MON2: variants seen among roughly 807,000 people sequenced by gnomAD.
MON2 encodes protein MON2 homolog.
MON2 carries 84 observed loss-of-function variants against 208.6 expected under a neutral mutation model. That is an observed-to-expected ratio of 0.40 (90% CI 0.34 to 0.48). The LOEUF is 0.48. Ranked by LOEUF, MON2 falls within the 20% of genes least tolerant of loss-of-function variation. The pLI is 0.59. For synonymous variants in MON2, 660 were observed against 694.0 expected (o/e 0.95, Z 0.77); for missense variants, 1,611 against 2,015.4 (o/e 0.80, Z 3.84).
At chr12:62,569,990 A>T (rs903110780) in intron 29 of MON2, among the ~76,000 whole-genome samples, 3 of 152,216 alleles carry the variant, frequency 2.0e-5, no homozygotes, top group Non-Finnish European at 2.9e-5. Context: ...TTTACGTAAC[A>T]GCAGAATTTT....
At position 62,519,428 on chromosome 12, in the gene MON2, C is replaced by T. The variant is rs531319400; in HGVS notation, c.985-5087C>T. 4.6e-5 allele frequency among the ~76,000 whole-genome samples: 7 copies of T among 152,018 alleles called. No individual in the cohort carries two copies. In the South Asian group the frequency reaches 1.5e-3, roughly 32 times the overall value. On this transcript the variant is annotated intron_variant, in intron 8 of 34. Transcript: ENST00000393630. ...TTGAATGCCCTATGAAAACAGTGACCCCTTTATATTCTTAAAAAATATTTA... is the reference window on the plus strand; with the variant it reads ...TTGAATGCCCTATGAAAACAGTGACTCCTTTATATTCTTAAAAAATATTTA...
intron 24 of MON2, among the ~76,000 whole-genome samples, chr12:62,554,598 G>A (rs530142858): frequency 5.9e-5 from 9 of 152,174 alleles, no homozygotes; most frequent in Admixed American, 3.3e-4. Flanking sequence ...AGGCTCAAGC[G>A]ATCCTCCCAC....
intron 8 of MON2, among the ~76,000 whole-genome samples, chr12:62,522,269 G>A (rs1006701831): frequency 6.6e-6 from 1 of 152,032 alleles, no homozygotes; most frequent in Non-Finnish European, 1.5e-5. Flanking sequence ...AGGCTAAATT[G>A]CCTTGTCCAA....
At chr12:62,587,213 G>C (rs2075247087) in intron 33 of MON2, among the ~76,000 whole-genome samples, 1 of 152,052 alleles carries the variant, frequency 6.6e-6, no homozygotes, top group African/African-American at 2.4e-5. Context: ...TGCTACCTTA[G>C]GATTGATTTC....
At chr12:62,550,061 T>G (rs1416731340) in intron 23 of MON2, among the ~76,000 whole-genome samples, 3 of 152,204 alleles carry the variant, frequency 2.0e-5, no homozygotes, top group African/African-American at 7.2e-5. Context: ...ACAGGGTTTG[T>G]CATGAAAGGG....
Position 62,526,032 on chromosome 12 carries a change from G to T in MON2, c.1330G>T (p.Ala444Ser). 1 of 1,613,846 alleles carries T rather than the reference G, an allele frequency of 6.2e-7. No individual in the cohort carries two copies. The highest frequency in any genetic ancestry group is 2.2e-5 in the East Asian group (1 of 44,848). Residue 444 changes from alanine to serine, a missense_variant, in exon 11 of 35, where the codon GCA becomes TCA. Coordinates refer to ENST00000393630, the MANE Select transcript of MON2 (RefSeq NM_015026.3). ...GIGGGVTLLPAFEYRGTWIPI... is the reference protein window; with the variant it reads ...GIGGGVTLLPSFEYRGTWIPI... ...TGGTGGAGGTGTTACTTTGCTACCA[G>T]CATTTGAATATAGGGGAACCTGGAT... is the stretch of plus-strand genomic sequence containing the variant.
intron 11 of MON2, among the ~76,000 whole-genome samples, chr12:62,529,098 C>T (rs1281417486): frequency 1.3e-5 from 2 of 152,088 alleles, no homozygotes; most frequent in African/African-American, 2.4e-5. Context: ...TAAGTGAGAA[C>T]GTGCAGTATT....
chr12:62,498,773 A>G (rs2070679235), intron 4 of MON2, 146 bp from the exon 5 acceptor site: 1 of 807,930 alleles, frequency 1.2e-6, no homozygotes, highest in South Asian at 2.5e-5. Flanking sequence ...CTTGGATTAC[A>G]TCAAAATCTG....
chr12:62,586,484 C>T (rs1350125778), intron 33 of MON2, among the ~76,000 whole-genome samples: 1 of 152,126 alleles, frequency 6.6e-6, no homozygotes, highest in Non-Finnish European at 1.5e-5. Flanking sequence ...AATTATTTGC[C>T]AGTTTATCAT....
Position 62,560,729 on chromosome 12 carries a change from A to G in MON2, c.3648A>G (p.Gly1216=). 6.2e-6 allele frequency: 10 copies of G among 1,614,164 alleles called. No individual in the cohort carries two copies. Among genetic ancestry groups the G allele is most frequent in the Non-Finnish European group, 8.5e-6 (10 of 1,180,014 alleles). ...CATTTGTAAGAACAGATTCCATTGG[A>G]GAAAAACTAGGAAGATATAGTAGCT... ...SRPFVRTDSI[G]EKLGRYSSSE... is the part of the protein sequence containing the mutation. The change falls in exon 26 of 35, where the codon GGA becomes GGG. Residue 1216 remains glycine (G), a synonymous_variant. Coordinates refer to ENST00000393630, the MANE Select transcript of MON2 (RefSeq NM_015026.3).
intron 2 of MON2, among the ~76,000 whole-genome samples, chr12:62,487,601 T>A (rs934842019): frequency 6.6e-6 from 1 of 151,932 alleles, no homozygotes; most frequent in African/African-American, 2.4e-5. Context: ...TAAGTAGCAA[T>A]GAGTAAATAT....
chr12:62,483,248 A>G (rs2069554663), intron 1 of MON2, among the ~76,000 whole-genome samples: 1 of 152,162 alleles, frequency 6.6e-6, no homozygotes, highest in Non-Finnish European at 1.5e-5. Context: ...CAAGTGCTTA[A>G]TAGCCACATG....
At chr12:62,497,138 C>T (rs891146139) in intron 4 of MON2, among the ~76,000 whole-genome samples, 2 of 132,170 alleles carry the variant, frequency 1.5e-5, no homozygotes, top group Non-Finnish European at 3.2e-5. Flanking sequence ...AGGGGAACAT[C>T]ACACTCTGGG....
At chr12:62,552,828 G>A in intron 23 of MON2, 53 bp from the exon 24 acceptor site, 1 of 1,373,654 alleles carries the variant, frequency 7.3e-7, no homozygotes, top group South Asian at 1.3e-5. Flanking sequence ...GCATATTTAT[G>A]TGTTTAAAAC....
chr12:62,589,519 CT>C (rs2075325502), intron 34 of MON2, among the ~76,000 whole-genome samples: 1 of 152,052 alleles, frequency 6.6e-6, no homozygotes, highest in African/African-American at 2.4e-5. Flanking sequence ...GTACACTTGT[CT>C]TTATTCAACC....
rs965420713 is a variant in MON2, at chr12:62,546,428, G to C, written c.2578-469G>C. On this transcript the variant is annotated intron_variant, in intron 21 of 34. Coordinates refer to ENST00000393630, the MANE Select transcript of MON2 (RefSeq NM_015026.3). Reference sequence around the variant, plus strand: ...TATAGATTTGTCTTTAATAATTACTGTTAGATAAATGATATTTGATGTTTA... The same window carrying C: ...TATAGATTTGTCTTTAATAATTACTCTTAGATAAATGATATTTGATGTTTA... 7.2e-5 allele frequency among the ~76,000 whole-genome samples: 11 copies of C among 152,042 alleles called. No individual in the cohort carries two copies. In the South Asian group the frequency reaches 1.2e-3, roughly 17 times the overall value.
At chr12:62,493,698 A>G (rs117057040) in intron 2 of MON2, among the ~76,000 whole-genome samples, 1 of 152,172 alleles carries the variant, frequency 6.6e-6, no homozygotes, top group Non-Finnish European at 1.5e-5. Context: ...GGAGAAAAGC[A>G]TGGGAAAGCA....
intron 14 of MON2, among the ~76,000 whole-genome samples, chr12:62,536,769 A>C (rs937542131): frequency 6.6e-6 from 1 of 151,740 alleles, no homozygotes; most frequent in Non-Finnish European, 1.5e-5. Context: ...GCTCACTGCA[A>C]CCACCGCCTC....
intron 19 of MON2, among the ~76,000 whole-genome samples, chr12:62,539,090 A>G (rs2133304): frequency 0.87 from 132,118 of 152,172 alleles, 57,606 homozygotes; most frequent in African/African-American, 0.93. Context: ...GAACAGTTGT[A>G]TTTATTTATA....
Sources: gnomAD v4.1 joint callset for allele counts (sites outside exome capture counted in the v4.1 genomes callset) on GRCh38, gnomAD v4.1.1 for gene constraint, MANE v1.5 for transcripts, NCBI Gene and HGNC (gene_info 2026-07-23, HGNC 2026-07-21) for gene names.